EHMT1: variants seen among roughly 807,000 people sequenced by gnomAD.
The protein encoded by EHMT1 is histone-lysine N-methyltransferase EHMT1.
In EHMT1, 15 loss-of-function variants were observed where a neutral mutation model predicts 147.2. That is an observed-to-expected ratio of 0.10 (90% CI 0.07 to 0.16). EHMT1 has a LOEUF of 0.16. Among genes scored for constraint, EHMT1 ranks in the 10% least tolerant of loss-of-function variants. EHMT1 has a pLI of 1.00. For missense variants in EHMT1, 1,587 were observed against 1,772.4 expected, an observed-to-expected ratio of 0.90 and a Z score of 1.88; for synonymous variants, 795 against 709.6, an observed-to-expected ratio of 1.12 and a Z score of -1.91.
At chr9:137,636,341 G>A (rs1844070889) in intron 1 of EHMT1, among the ~76,000 whole-genome samples, 1 of 152,090 alleles carries the variant, frequency 6.6e-6, no homozygotes, top group East Asian at 1.9e-4. Context: ...TCTATATATA[G>A]GATTATGTCA....
intron 9 of EHMT1, among the ~76,000 whole-genome samples, chr9:137,760,666 C>G (rs1949731852): frequency 1.3e-5 from 2 of 152,110 alleles, no homozygotes; most frequent in Non-Finnish European, 2.9e-5. Flanking sequence ...TCCAAATGGG[C>G]TAGAGACAGA....
At chr9:137,690,682 G>A (rs964565606) in intron 1 of EHMT1, among the ~76,000 whole-genome samples, 3 of 152,086 alleles carry the variant, frequency 2.0e-5, no homozygotes, top group African/African-American at 7.2e-5. Flanking sequence ...TGATTCTCCT[G>A]CCTTAGCCTC....
chr9:137,630,030 G>A (rs1311007990), intron 1 of EHMT1, among the ~76,000 whole-genome samples: 2 of 152,182 alleles, frequency 1.3e-5, no homozygotes, highest in Non-Finnish European at 2.9e-5. Flanking sequence ...TTCAGAGGTA[G>A]CATTTCCTTT....
intron 7 of EHMT1, 101 bp downstream of exon 7, chr9:137,752,509 C>A: frequency 7.3e-7 from 1 of 1,378,304 alleles, no homozygotes; most frequent in Non-Finnish European, 1.0e-6. Context: ...GTTGCCTGAG[C>A]GCTCACCCAT....
chr9:137,829,019 G>A (rs1326432235), intron 25 of EHMT1, among the ~76,000 whole-genome samples: 1 of 152,168 alleles, frequency 6.6e-6, no homozygotes, highest in Admixed American at 6.5e-5. Flanking sequence ...CACCAGGCCC[G>A]GGTGTCTGTA....
intron 1 of EHMT1, among the ~76,000 whole-genome samples, chr9:137,629,243 C>T (rs757138469): frequency 1.4e-4 from 21 of 151,876 alleles, no homozygotes; most frequent in Non-Finnish European, 2.8e-4. Context: ...CAGGCGCCCA[C>T]CACCATGCCT....
intron 2 of EHMT1, among the ~76,000 whole-genome samples, chr9:137,711,294 A>G (rs1228596975): frequency 1.3e-5 from 2 of 152,200 alleles, no homozygotes; most frequent in African/African-American, 4.8e-5. Flanking sequence ...CCAGAAAATT[A>G]AAAGTGAGTG....
At chr9:137,798,983 T>C in intron 17 of EHMT1, 69 bp downstream of exon 17, 9 of 1,294,822 alleles carry the variant, frequency 7.0e-6, no homozygotes, top group Non-Finnish European at 1.0e-5. Flanking sequence ...GTTCTGCAGC[T>C]CCTGGTCCCA....
intron 3 of EHMT1, among the ~76,000 whole-genome samples, chr9:137,723,593 T>G (rs1303251083): frequency 1.3e-5 from 2 of 151,230 alleles, no homozygotes; most frequent in African/African-American, 4.9e-5. Context: ...GCTCGGGGTG[T>G]GTCTGTGTCT....
chr9:137,734,703 T>C (rs1179033570), intron 4 of EHMT1, among the ~76,000 whole-genome samples: 5 of 152,146 alleles, frequency 3.3e-5, no homozygotes, highest in Non-Finnish European at 7.4e-5. Context: ...TGAAAGCAGA[T>C]GAGAAAAGAG....
chr9:137,826,878 G>A (rs966908634), intron 25 of EHMT1, among the ~76,000 whole-genome samples: 1 of 152,196 alleles, frequency 6.6e-6, no homozygotes, highest in African/African-American at 2.4e-5. Context: ...TTCACTGTGG[G>A]CCAATCCTTT....
intron 4 of EHMT1, among the ~76,000 whole-genome samples, chr9:137,733,715 C>T (rs1947307148): frequency 6.6e-6 from 1 of 152,102 alleles, no homozygotes; most frequent in South Asian, 2.1e-4. Context: ...CATGTGACGG[C>T]CAAGAAATCT....
chr9:137,682,095 C>T (rs902120782), intron 1 of EHMT1, among the ~76,000 whole-genome samples: 2 of 151,940 alleles, frequency 1.3e-5, no homozygotes, highest in African/African-American at 4.8e-5. Flanking sequence ...GGACTACAGG[C>T]GCCCCCACCA....
intron 2 of EHMT1, 47 bp downstream of exon 2, chr9:137,711,077 A>G (rs779741483): frequency 1.0e-5 from 16 of 1,544,516 alleles, no homozygotes; most frequent in Non-Finnish European, 1.4e-5. Flanking sequence ...CTCCCTCCAG[A>G]CTAGAAAACC....
At position 137,732,736 on chromosome 9, in the gene EHMT1, C is replaced by T. The variant is rs1488950956; in HGVS notation, c.823+4207C>T. On this transcript the variant is annotated intron_variant, in intron 4 of 26. Coordinates refer to ENST00000460843, the MANE Select transcript of EHMT1 (RefSeq NM_024757.5). This position sits in a 1 kb window ranked among gnomAD's most constrained non-coding sequence, Gnocchi z 4.6. ...AAGGTCAGGTTTCACCGGGGACCTG[C>T]TCCTATCTGCCTAGGAATTTGTCTG... 5.9e-5 allele frequency among the ~76,000 whole-genome samples: 9 copies of T among 152,174 alleles called. No homozygotes were observed. The highest frequency in any genetic ancestry group is 2.6e-4 in the Admixed American group (4 of 15,280).
At chr9:137,823,347 C>T (rs1955580866) in intron 25 of EHMT1, 1 of 309,786 alleles carries the variant, frequency 3.2e-6, no homozygotes, top group Non-Finnish European at 6.3e-6. Flanking sequence ...ATCTGCCCAT[C>T]TCGGCCTCCC....
At position 137,814,103 on chromosome 9, in the gene EHMT1, G is replaced by T. The variant is rs1011467403; in HGVS notation, c.3181-328G>T. 105 of 326,512 alleles carry T rather than the reference G, an allele frequency of 3.2e-4. 1 individual carries two copies. The highest frequency in any genetic ancestry group is 1.1e-3 in the Middle Eastern group (1 of 900). The allele number at this position is 326,512 out of a possible 1,614,324, so 20.2% of individuals were successfully genotyped here. ...CGCCCCACAAGGTGTGTCAGGCTCT[G>T]TGTTCTTGCCTTTCCCATCGAGCAT... On this transcript the variant is annotated intron_variant, in intron 21 of 26. Coordinates refer to ENST00000460843, the MANE Select transcript of EHMT1 (RefSeq NM_024757.5).
chr9:137,774,150 T>C (rs1410004417), intron 10 of EHMT1, among the ~76,000 whole-genome samples: 1 of 152,250 alleles, frequency 6.6e-6, no homozygotes, highest in Non-Finnish European at 1.5e-5. Flanking sequence ...CGCTGCCCAC[T>C]GCTGGCCTGT....
intron 3 of EHMT1, among the ~76,000 whole-genome samples, chr9:137,718,902 CCT>C (rs1314807771): frequency 1.3e-5 from 2 of 151,844 alleles, no homozygotes; most frequent in African/African-American, 4.8e-5. Context: ...ACTACAGGCG[CCT>C]ACCACCACAC....
Sources: allele counts gnomAD v4.1 joint callset (sites outside exome capture counted in the v4.1 genomes callset), GRCh38; gene constraint gnomAD v4.1.1; non-coding constraint Gnocchi (gnomAD v3.1); transcripts MANE v1.5; gene names NCBI Gene and HGNC (gene_info 2026-07-23, HGNC 2026-07-21).